Variants in PLXDC2 observed in about 807,000 individuals in gnomAD.
PLXDC2 encodes the protein plexin domain containing 2.
A neutral mutation model predicts 68.9 loss-of-function variants in PLXDC2; 40 were observed. The observed-to-expected ratio is 0.58, with a 90% CI of 0.45 to 0.76. The LOEUF (loss-of-function observed/expected upper bound fraction) is 0.76, where lower values mean the gene tolerates loss of function less well. PLXDC2 is among the 30% of genes least tolerant of loss of function. PLXDC2 has a pLI of 0.00. For synonymous variants in PLXDC2, 243 were observed against 234.2 expected (o/e 1.04, Z -0.34); for missense variants, 644 against 661.9 (o/e 0.97, Z 0.30).
intron 1 of PLXDC2, among the ~76,000 whole-genome samples, chr10:19,829,597 C>T (rs955058341): frequency 1.3e-5 from 2 of 149,180 alleles, no homozygotes; most frequent in Admixed American, 6.6e-5. Flanking sequence ...GACGTGGTGG[C>T]GGGCACCTGT....
At chr10:19,994,009 T>A (rs1369157158) in intron 1 of PLXDC2, among the ~76,000 whole-genome samples, 1 of 152,180 alleles carries the variant, frequency 6.6e-6, no homozygotes, top group Non-Finnish European at 1.5e-5. Context: ...ATCTTCTAGT[T>A]TTAACTTAAA....
chr10:20,126,534 T>C lies in PLXDC2; in HGVS notation c.542-16761T>C, dbSNP rs374943145. Among the ~76,000 whole-genome samples, 25 of 5,236 alleles carry C rather than the reference T, an allele frequency of 4.8e-3. 5 individuals carry two copies. The highest frequency in any genetic ancestry group is 0.014 in the African/African-American group (23 of 1,700). The allele number at this position is 5,236 out of a possible 152,430, so 3.4% of individuals were successfully genotyped here. A position where few individuals can be genotyped will look rare whatever the true frequency, so the allele number is the denominator to read the frequency against. ...AACACACACGTTATATATGTATATA[T>C]AACACACACGTTATATATGTATATA... On this transcript the variant is annotated intron_variant, in intron 4 of 13. Transcript: ENST00000377252.
intron 1 of PLXDC2, among the ~76,000 whole-genome samples, chr10:19,971,915 G>A (rs1257869778): frequency 3.3e-5 from 5 of 152,120 alleles, no homozygotes; most frequent in African/African-American, 1.2e-4. Flanking sequence ...ATCTCGCTGG[G>A]GATCTGATTG....
chr10:19,837,271 G>C (rs1209932982), intron 1 of PLXDC2, among the ~76,000 whole-genome samples: 1 of 151,838 alleles, frequency 6.6e-6, no homozygotes, highest in Non-Finnish European at 1.5e-5. Flanking sequence ...TTACAAACAA[G>C]AACAAAAGTT....
rs776196700 is a variant in PLXDC2, at chr10:20,220,838, C to CTA, written c.1312+1737_1312+1738insAT. Among the ~76,000 whole-genome samples, 63 of 116,500 alleles carry CTA rather than the reference C, an allele frequency of 5.4e-4. 1 individual carries two copies. In the South Asian group the frequency reaches 8.7e-3, roughly 16 times the overall value. 76.4% of individuals were successfully genotyped at this position (116,500 alleles called of 152,430 possible). A position where few individuals can be genotyped will look rare whatever the true frequency, so the allele number is the denominator to read the frequency against. On this transcript the variant is annotated intron_variant, in intron 12 of 13. Coordinates refer to ENST00000377252, the MANE Select transcript of PLXDC2 (RefSeq NM_032812.9). ...ATGTCTCCACTCCTTGCTCTTAACA[C>CTA]TTTTTTTTTTTTTTTTTTTTGAGAC...
intron 1 of PLXDC2, among the ~76,000 whole-genome samples, chr10:19,950,925 G>C (rs11596707): frequency 0.049 from 7,438 of 152,206 alleles, 234 homozygotes; most frequent in Middle Eastern, 0.095. Context: ...AAATGGTACT[G>C]GGACAACTGG....
chr10:19,939,500 C>CA (rs200570148), intron 1 of PLXDC2, among the ~76,000 whole-genome samples: 77 of 149,082 alleles, frequency 5.2e-4, no homozygotes, highest in Middle Eastern at 3.4e-3. Context: ...TCCAAGATGC[C>CA]AAAAAAAAAG....
At chr10:20,003,412 G>A (rs1834974860) in intron 2 of PLXDC2, among the ~76,000 whole-genome samples, 1 of 151,678 alleles carries the variant, frequency 6.6e-6, no homozygotes, top group African/African-American at 2.4e-5. Context: ...CTGGAGGTAG[G>A]CTAATTAGAA....
rs371987933 is a variant in PLXDC2 at position 20,177,100 on chromosome 10, C to T, written c.979+6C>T. ...GGAGATGACCCCATTACCCAGTAAG[C>T]GAATATGTAAACCTAGGTGGAAAAC... On this transcript the variant is annotated splice_donor_region_variant and intron_variant, in intron 8 of 13. Coordinates refer to ENST00000377252, the MANE Select transcript of PLXDC2 (RefSeq NM_032812.9). 2.3e-4 allele frequency: 368 copies of T among 1,586,446 alleles called. 2 individuals carry two copies. In the African/African-American group the frequency reaches 3.3e-3, roughly 14 times the overall value.
chr10:19,996,636 G>C (rs1834848002), intron 1 of PLXDC2, among the ~76,000 whole-genome samples: 1 of 152,090 alleles, frequency 6.6e-6, no homozygotes. Flanking sequence ...GACAAAAGAT[G>C]ATGGAAATGT....
At chr10:19,926,471 G>A (rs754445966) in intron 1 of PLXDC2, among the ~76,000 whole-genome samples, 4 of 152,138 alleles carry the variant, frequency 2.6e-5, no homozygotes, top group African/African-American at 9.7e-5. Flanking sequence ...GTCAGCAGGC[G>A]GAAATTCACG....
intron 7 of PLXDC2, among the ~76,000 whole-genome samples, chr10:20,176,518 T>C (rs994745235): frequency 6.6e-5 from 10 of 152,146 alleles, no homozygotes; most frequent in Non-Finnish European, 1.5e-4. Context: ...ATTTAACTTC[T>C]GTTTTACTTT....
intron 12 of PLXDC2, among the ~76,000 whole-genome samples, chr10:20,231,581 G>A (rs1266107442): frequency 6.7e-6 from 1 of 150,164 alleles, no homozygotes; most frequent in East Asian, 1.9e-4. Context: ...TTAAAAGAAG[G>A]AAATAAGAGT....
At chr10:19,985,276 A>C (rs1290761440) in intron 1 of PLXDC2, among the ~76,000 whole-genome samples, 2 of 152,178 alleles carry the variant, frequency 1.3e-5, no homozygotes, top group African/African-American at 4.8e-5. Context: ...TTATTTGTTA[A>C]AATTAACTGC....
At chr10:19,980,066 C>A (rs1037797295) in intron 1 of PLXDC2, among the ~76,000 whole-genome samples, 1 of 152,182 alleles carries the variant, frequency 6.6e-6, no homozygotes, top group African/African-American at 2.4e-5. Context: ...TTCATAGAGC[C>A]TCTGACTTCG....
Position 20,141,991 on chromosome 10 carries a change from GC to G in PLXDC2, c.542-1303del, listed in dbSNP as rs139967763. ...AGATGAATAGCTAGAGTTCAATTAT[GC>G]TTTTGATGAAAAGTTAAAAGGTATT... On this transcript the variant is annotated intron_variant, in intron 4 of 13. Transcript: ENST00000377252. Among the ~76,000 whole-genome samples, 1,271 of 152,080 alleles carry G rather than the reference GC, an allele frequency of 8.4e-3. 15 individuals carry two copies. The highest frequency in any genetic ancestry group is 0.029 in the African/African-American group (1,205 of 41,542).
chr10:19,843,344 A>G (rs1836942020), intron 1 of PLXDC2, among the ~76,000 whole-genome samples: 1 of 152,180 alleles, frequency 6.6e-6, no homozygotes, highest in Non-Finnish European at 1.5e-5. Flanking sequence ...ATATCGATTT[A>G]TTCTCATGTT....
At position 20,120,911 on chromosome 10, in the gene PLXDC2, C is replaced by T. The variant is rs1033324423; in HGVS notation, c.542-22384C>T. On this transcript the variant is annotated intron_variant, in intron 4 of 13. Coordinates refer to ENST00000377252, the MANE Select transcript of PLXDC2 (RefSeq NM_032812.9). ...GTGTGGCAATTAGGCCTGATGGAAC[C>T]GCCATCAATAAATCAAGCATGATCA... 7.9e-5 allele frequency among the ~76,000 whole-genome samples: 12 copies of T among 152,002 alleles called. 1 individual carries two copies. Among genetic ancestry groups the T allele is most frequent in the African/African-American group, 2.2e-4 (9 of 41,376 alleles).
chr10:19,873,371 A>G (rs976729258), intron 1 of PLXDC2, among the ~76,000 whole-genome samples: 6 of 148,096 alleles, frequency 4.1e-5, no homozygotes, highest in South Asian at 2.1e-4. Flanking sequence ...CCAGCTTTCC[A>G]CTACTGGAAT....
Sources: gnomAD v4.1 joint callset for allele counts (sites outside exome capture counted in the v4.1 genomes callset) on GRCh38, gnomAD v4.1.1 for gene constraint, MANE v1.5 for transcripts, NCBI Gene and HGNC (gene_info 2026-07-23, HGNC 2026-07-21) for gene names.